CPNE4: variants seen among roughly 807,000 people sequenced by gnomAD.
CPNE4 encodes copine 4, also known as copine-4.
A neutral mutation model predicts 67.9 loss-of-function variants in CPNE4; 25 were observed. The ratio of observed to expected loss-of-function variants is 0.37; its 90% CI spans 0.27 to 0.51. CPNE4 has a LOEUF of 0.51. Among genes scored for constraint, CPNE4 ranks in the 20% least tolerant of loss-of-function variants. The pLI is 0.93. For missense variants in CPNE4, 464 were observed against 690.8 expected, an observed-to-expected ratio of 0.67 and a Z score of 3.68; for synonymous variants, 242 against 244.9, an observed-to-expected ratio of 0.99 and a Z score of 0.11.
At chr3:131,890,282 G>T (rs2088058857) in intron 2 of CPNE4, among the ~76,000 whole-genome samples, 1 of 151,936 alleles carries the variant, frequency 6.6e-6, no homozygotes, top group South Asian at 2.1e-4. Context: ...CAAAGGACCT[G>T]AATAGGCTTT....
intron 9 of CPNE4, among the ~76,000 whole-genome samples, chr3:131,581,032 G>A (rs1220659750): frequency 6.6e-6 from 1 of 152,040 alleles, no homozygotes; most frequent in African/African-American, 2.4e-5. Context: ...AATTAGCTGG[G>A]CGTGGTGGCG....
intron 7 of CPNE4, among the ~76,000 whole-genome samples, chr3:131,593,842 G>T (rs1437723421): frequency 6.6e-6 from 1 of 152,058 alleles, no homozygotes; most frequent in Non-Finnish European, 1.5e-5. Context: ...CTCCCAAGTA[G>T]CTGGGACTAC....
intron 7 of CPNE4, among the ~76,000 whole-genome samples, chr3:131,650,938 T>G (rs933349602): frequency 2.0e-5 from 3 of 152,118 alleles, no homozygotes; most frequent in Admixed American, 2.0e-4. Context: ...CCACTTTCTC[T>G]TCCCACCTTT....
At chr3:131,672,273 T>G (rs772795045) in intron 6 of CPNE4, among the ~76,000 whole-genome samples, 2 of 152,164 alleles carry the variant, frequency 1.3e-5, no homozygotes, top group Non-Finnish European at 2.9e-5. Flanking sequence ...CTATTATGAA[T>G]AGTGCTGCAA....
intron 6 of CPNE4, 78 bp downstream of exon 6, chr3:131,685,792 ACACAC>A: frequency 1.1e-6 from 1 of 912,518 alleles, no homozygotes; most frequent in Non-Finnish European, 1.7e-6. Flanking sequence ...ACACACACAC[ACACAC>A]AAAAAGGAGT....
chr3:132,012,179 T>TG (rs2073782945), intron 1 of CPNE4, among the ~76,000 whole-genome samples: 1 of 150,946 alleles, frequency 6.6e-6, no homozygotes, highest in Non-Finnish European at 1.5e-5. Flanking sequence ...TTTCGTTTTT[T>TG]TTTTTTTTTT....
At chr3:132,000,120 C>T (rs555567850) in intron 1 of CPNE4, among the ~76,000 whole-genome samples, 98 of 150,872 alleles carry the variant, frequency 6.5e-4, no homozygotes, top group African/African-American at 2.1e-3. Flanking sequence ...TTGGGAAGAT[C>T]GGACCAACTC....
intron 7 of CPNE4, among the ~76,000 whole-genome samples, chr3:131,592,734 T>C (rs1417418769): frequency 6.6e-6 from 1 of 152,316 alleles, no homozygotes; most frequent in South Asian, 2.1e-4. Flanking sequence ...GTCTGCTCTG[T>C]GTAAAATCCC....
At chr3:131,985,636 C>T (rs149719396) in intron 1 of CPNE4, among the ~76,000 whole-genome samples, 2 of 152,174 alleles carry the variant, frequency 1.3e-5, no homozygotes, top group East Asian at 3.9e-4. Flanking sequence ...TCAGTGCTGC[C>T]CCACAGGTTT....
At chr3:131,978,549 T>TAA (rs2072815590) in intron 1 of CPNE4, among the ~76,000 whole-genome samples, 1 of 92,434 alleles carries the variant, frequency 1.1e-5, no homozygotes, top group Non-Finnish European at 2.0e-5. Context: ...TAAATATATA[T>TAA]ATATATATAT....
intron 1 of CPNE4, among the ~76,000 whole-genome samples, chr3:132,019,246 C>A (rs573570888): frequency 6.6e-6 from 1 of 152,166 alleles, no homozygotes; most frequent in South Asian, 2.1e-4. Context: ...TAAATTATGT[C>A]CAATTTTGTG....
chr3:131,574,137 T>C (rs1937474191), intron 10 of CPNE4, among the ~76,000 whole-genome samples: 1 of 152,146 alleles, frequency 6.6e-6, no homozygotes, highest in Admixed American at 6.5e-5. Flanking sequence ...CCCATTTTAT[T>C]TCCTTTTTTC....
intron 9 of CPNE4, among the ~76,000 whole-genome samples, chr3:131,575,971 A>G (rs1374650879): frequency 2.6e-5 from 4 of 152,078 alleles, no homozygotes; most frequent in Non-Finnish European, 5.9e-5. Context: ...GGTGATATTC[A>G]TGTATTCGTT....
intron 2 of CPNE4, among the ~76,000 whole-genome samples, chr3:131,761,750 T>C (rs2082896954): frequency 6.6e-6 from 1 of 152,156 alleles, no homozygotes; most frequent in Non-Finnish European, 1.5e-5. Context: ...CATTCAACAG[T>C]GATGTCTTGG....
intron 2 of CPNE4, among the ~76,000 whole-genome samples, chr3:131,785,929 T>G (rs561254660): frequency 6.6e-6 from 1 of 152,304 alleles, no homozygotes; most frequent in African/African-American, 2.4e-5. Context: ...AAATCAGAAC[T>G]ATGTTAAGTA....
chr3:132,012,651 G>A (rs1373464082), intron 1 of CPNE4, among the ~76,000 whole-genome samples: 2 of 152,106 alleles, frequency 1.3e-5, no homozygotes, highest in Non-Finnish European at 2.9e-5. Context: ...GCAATGGTGG[G>A]AAGTCCTTCA....
intron 2 of CPNE4, among the ~76,000 whole-genome samples, chr3:131,884,825 T>G (rs536263970): frequency 2.6e-4 from 39 of 152,338 alleles, no homozygotes; most frequent in Non-Finnish European, 8.8e-5. Context: ...AAGATGTGAC[T>G]TGTTCCTCCT....
At chr3:131,894,851 C>T (rs1351912211) in intron 2 of CPNE4, among the ~76,000 whole-genome samples, 1 of 151,942 alleles carries the variant, frequency 6.6e-6, no homozygotes, top group East Asian at 1.9e-4. Context: ...CCAGCAATCC[C>T]ACTACCAAGC....
chr3:131,596,621 C>CAAAAAAAAAAA (rs58456346), intron 7 of CPNE4, among the ~76,000 whole-genome samples: 6 of 32,978 alleles, frequency 1.8e-4, no homozygotes, highest in African/African-American at 2.8e-4. Flanking sequence ...GACTCCGTCT[C>CAAAAAAAAAAA]AAAAAAAAAA....
Sources: allele counts gnomAD v4.1 joint callset (sites outside exome capture counted in the v4.1 genomes callset), GRCh38; gene constraint gnomAD v4.1.1; transcripts MANE v1.5; gene names NCBI Gene and HGNC (gene_info 2026-07-23, HGNC 2026-07-21).